The following DMWD variants were observed in gnomAD, a reference collection of about 807,000 sequenced individuals.
DMWD encodes dystrophia myotonica WD repeat-containing protein.
In DMWD, 19 loss-of-function variants were observed where a neutral mutation model predicts 45.8. That is an observed-to-expected ratio of 0.41 (90% CI 0.29 to 0.61). The LOEUF is 0.61. Ranked by LOEUF, DMWD falls within the 20% of genes least tolerant of loss-of-function variation. DMWD has a pLI of 0.25. For missense variants in DMWD, 802 were observed against 965.2 expected, an observed-to-expected ratio of 0.83 and a Z score of 2.24; for synonymous variants, 515 against 440.5, an observed-to-expected ratio of 1.17 and a Z score of -2.12.
chr19:45,789,429 C>T (rs1020260963), intron 2 of DMWD: 1 of 152,230 alleles, frequency 6.6e-6, no homozygotes, highest in Non-Finnish European at 1.5e-5. Flanking sequence ...GGTATCTCCT[C>T]GTAGGCCAAG....
intron 2 of DMWD, 146 bp downstream of exon 2, chr19:45,790,759 C>G: frequency 1.2e-6 from 1 of 839,178 alleles, no homozygotes; most frequent in South Asian, 1.9e-5. Context: ...AGGCAGCTGT[C>G]ATTAGCTGCT....
intron 1 of DMWD, among the ~76,000 whole-genome samples, chr19:45,792,011 A>G (rs1244097589): frequency 2.0e-5 from 3 of 152,058 alleles, no homozygotes; most frequent in Non-Finnish European, 4.4e-5. Flanking sequence ...GCCACCCCAG[A>G]ACCCGGGGGA....
chr19:45,792,698 G>C lies in DMWD; in HGVS notation c.59C>G (p.Ala20Gly), dbSNP rs1443786476. Reference sequence around the variant, plus strand: ...CGTGCGGAATTGCGACTTAATCTCCGCGCAGTCCCCCATGGCGGCGCCGGG... The same window carrying C: ...CGTGCGGAATTGCGACTTAATCTCCCCGCAGTCCCCCATGGCGGCGCCGGG... ...SGPGAAMGDC[A>G]EIKSQFRTRE... is the part of the protein sequence containing the mutation. The change falls in exon 1 of 5, where the codon GCG (alanine) becomes GGG (glycine). Residue 20 changes from alanine to glycine, a missense_variant. Around this residue, in one of 9 missense-constraint regions of DMWD, gnomAD observed 151 missense variants for 128.1 expected, o/e 1.18. Transcript: ENST00000270223. 3 of 1,266,826 alleles carry C rather than the reference G, an allele frequency of 2.4e-6. No individual in the cohort carries two copies. Among genetic ancestry groups the C allele is most frequent in the African/African-American group, 3.1e-5 (2 of 64,458 alleles). 78.5% of individuals were successfully genotyped at this position (1,266,826 alleles called of 1,614,324 possible). A position where few individuals can be genotyped will look rare whatever the true frequency, so the allele number is the denominator to read the frequency against.
In DMWD at chr19:45,785,796, G is replaced by A; in HGVS notation, c.1700C>T (p.Pro567Leu). ...GGGGTCCAGGCGGCTGCGGGGAACA[G>A]GGCCGCTGGGCTTCTCCCCACCACT... The part of the protein sequence containing the change: ...SGSGGEKPSG[P>L]VPRSRLDPAK... Residue 567 changes from proline (P) to leucine (L), a missense_variant, in exon 3 of 5, where the codon CCT (proline) becomes CTT (leucine). By Grantham distance (98) the Pro-to-Leu change is moderately conservative. Transcript: ENST00000270223. 6.2e-7 allele frequency: 1 copy of A among 1,611,914 alleles called. No homozygotes were observed. Among genetic ancestry groups the A allele is most frequent in the Non-Finnish European group, 8.5e-7 (1 of 1,179,562 alleles).
rs566063837 is a variant in DMWD at position 45,788,797 on chromosome 19, T to C, written c.625-1926A>G. On this transcript the variant is annotated intron_variant, in intron 2 of 4. Transcript: ENST00000270223. ...TACAAAAGTTAGCCAGTTGTGGTGG[T>C]GCATGCATGTAGTCCCAGCTACTCA... 9.9e-5 allele frequency among the ~76,000 whole-genome samples: 15 copies of C among 152,158 alleles called. No individual in the cohort carries two copies. In the South Asian group the frequency reaches 2.3e-3, roughly 23 times the overall value.
rs748170507 is a variant in DMWD, at chr19:45,786,281, G to A, written c.1215C>T (p.Pro405=). The A allele has an allele frequency of 1.2e-5, 19 of 1,604,966 alleles. No individual in the cohort carries two copies. Among genetic ancestry groups the A allele is most frequent in the Middle Eastern group, 1.7e-4 (1 of 6,052 alleles). Residue 405 remains proline (P), a synonymous_variant, in exon 3 of 5, where the codon CCC becomes CCT. Coordinates refer to ENST00000270223, the MANE Select transcript of DMWD (RefSeq NM_004943.2). The stretch of plus-strand genomic sequence containing the variant: ...CGGCCGAGCCTGTGCCCGCAGCCTC[G>A]GGCTCCTCCTCCTCCTCTTCGCCGC... ...ERSGEEEEEE[P]EAAGTGSAGG...
intron 2 of DMWD, among the ~76,000 whole-genome samples, chr19:45,788,186 T>A (rs1970307695): frequency 6.6e-6 from 1 of 152,324 alleles, no homozygotes; most frequent in East Asian, 1.9e-4. Flanking sequence ...CTCCAATGCC[T>A]GGGCCTGTCT....
At chr19:45,791,123 G>A in intron 1 of DMWD, 36 bp from the exon 2 acceptor site, 1 of 1,566,474 alleles carries the variant, frequency 6.4e-7, no homozygotes, top group Non-Finnish European at 8.7e-7. Flanking sequence ...AATGGTGTAT[G>A]CCACTGAGGA....
At chr19:45,786,905 GC>G in intron 2 of DMWD, 34 bp from the exon 3 acceptor site, 1 of 1,595,704 alleles carries the variant, frequency 6.3e-7, no homozygotes, top group East Asian at 2.3e-5. Flanking sequence ...TTGGGAGAAG[GC>G]AGTAAAACCC....
Position 45,792,501 on chromosome 19 carries a change from C to G in DMWD, c.256G>C (p.Gly86Arg). The part of the protein sequence containing the change: ...PASSPPPAGP[G>R]PGPALPAVRL... ...ACGGCGGGCAGGGCGGGCCCGGGTC[C>G]GGGGCCTGCGGGCGGCGGGGACGAC... Residue 86 changes from glycine (G) to arginine (R), a missense_variant, in exon 1 of 5, where the codon GGA becomes CGA. By Grantham distance (125) the Gly-to-Arg change is moderately radical. Around this residue, in one of 9 missense-constraint regions of DMWD, gnomAD observed 151 missense variants for 128.1 expected, o/e 1.18. Coordinates refer to ENST00000270223, the MANE Select transcript of DMWD (RefSeq NM_004943.2). The G allele has an allele frequency of 8.6e-7, 1 of 1,156,880 alleles. No individual in the cohort carries two copies. The highest frequency in any genetic ancestry group is 1.1e-6 in the Non-Finnish European group (1 of 936,144). The allele number at this position is 1,156,880 out of a possible 1,614,324, so 71.7% of individuals were successfully genotyped here.
In DMWD at chr19:45,792,797, C is replaced by A; in HGVS notation, c.-41G>T. 9.1e-7 allele frequency: 1 copy of A among 1,095,006 alleles called. No individual in the cohort carries two copies. The highest frequency in any genetic ancestry group is 1.1e-6 in the Non-Finnish European group (1 of 901,250). 67.8% of individuals were successfully genotyped at this position (1,095,006 alleles called of 1,614,324 possible). A position where few individuals can be genotyped will look rare whatever the true frequency, so the allele number is the denominator to read the frequency against. ...GGCCCCGCCACTGCCGGACTGCCGC[C>A]CGCAGCCGGGCCCCCTCCCGGAAGC... On this transcript the variant is annotated 5_prime_UTR_variant, in exon 1 of 5. Coordinates refer to ENST00000270223, the MANE Select transcript of DMWD (RefSeq NM_004943.2).
Position 45,787,898 on chromosome 19 carries a change from A to G in DMWD, c.625-1027T>C, listed in dbSNP as rs372026070. On this transcript the variant is annotated intron_variant, in intron 2 of 4. Coordinates refer to ENST00000270223, the MANE Select transcript of DMWD (RefSeq NM_004943.2). ...CTAGCCAATATGGTGAAATACAAGT[A>G]GAGATACAAAATCTCTACTAAAAAT... 7.2e-4 allele frequency among the ~76,000 whole-genome samples: 109 copies of G among 152,194 alleles called. 3 individuals carry two copies. Among genetic ancestry groups the G allele is most frequent in the African/African-American group, 2.5e-3 (103 of 41,542 alleles).
At chr19:45,789,603 A>T (rs911495296) in intron 2 of DMWD, 2 of 152,232 alleles carry the variant, frequency 1.3e-5, no homozygotes, top group African/African-American at 4.8e-5. Context: ...TTTGAATCCA[A>T]AGCCTCCAGA....
chr19:45,791,776 T>C (rs949577930), intron 1 of DMWD, among the ~76,000 whole-genome samples: 1 of 151,876 alleles, frequency 6.6e-6, no homozygotes, highest in Admixed American at 6.6e-5. Flanking sequence ...CGGACGCTCA[T>C]CTCCTCCAGG....
intron 1 of DMWD, among the ~76,000 whole-genome samples, chr19:45,791,677 T>C (rs1168181087): frequency 1.3e-5 from 2 of 152,110 alleles, no homozygotes; most frequent in Non-Finnish European, 2.9e-5. Flanking sequence ...GCCAGGGTTC[T>C]CACCACATCG....
chr19:45,785,517 CCTCT>C, intron 3 of DMWD, 73 bp downstream of exon 3: 1 of 1,423,962 alleles, frequency 7.0e-7, no homozygotes. Flanking sequence ...GCAACAAAGC[CCTCT>C]CTCTGCCAAT....
chr19:45,784,296 G>A lies in DMWD; in HGVS notation c.1978-6C>T, dbSNP rs1397388002. The A allele has an allele frequency of 6.6e-7, 1 of 1,509,946 alleles. No individual in the cohort carries two copies. The highest frequency in any genetic ancestry group is 8.8e-7 in the Non-Finnish European group (1 of 1,130,266). The allele number at this position is 1,509,946 out of a possible 1,614,324, so 93.5% of individuals were successfully genotyped here. On this transcript the variant is annotated splice_region_variant and splice_polypyrimidine_tract_variant and intron_variant, in intron 4 of 4. Transcript: ENST00000270223. ...CCTGGTTGGGAGGAGATGCCCTGGG[G>A]AAGATGAGAGGGAGAGATGGGAGGG...
Position 45,786,096 on chromosome 19 carries a change from C to G in DMWD, c.1400G>C (p.Gly467Ala). ...GCTGCTGGCGGCCGGTGGCGTGGTG[C>G]CAGGTGTGCCAGGGAGGGTGCGGGT... ...ARTRTLPGTP[G>A]TTPPAASSSR... The change falls in exon 3 of 5, where the codon GGC becomes GCC. Residue 467 changes from glycine (G) to alanine (A), a missense_variant. By Grantham distance (60) the Gly-to-Ala change is moderately conservative (BLOSUM62 0). This residue lies in a region of DMWD where 303 missense variants were observed against 332.9 expected (regional missense o/e 0.91). Transcript: ENST00000270223. The G allele has an allele frequency of 6.6e-7, 1 of 1,521,706 alleles. No individual in the cohort carries two copies. Among genetic ancestry groups the G allele is most frequent in the Non-Finnish European group, 8.8e-7 (1 of 1,133,384 alleles). 94.3% of individuals were successfully genotyped at this position (1,521,706 alleles called of 1,614,324 possible). A position where few individuals can be genotyped will look rare whatever the true frequency, so the allele number is the denominator to read the frequency against.
At position 45,784,720 on chromosome 19, in the gene DMWD, G is replaced by A. The variant is rs539695498; in HGVS notation, c.1903-5C>T. ...CTCGGTCTCCTCGTCTGTGAACTACGGAGACAGAGGGGTCTCTTTTAGGAC... is the reference window on the plus strand; with the variant it reads ...CTCGGTCTCCTCGTCTGTGAACTACAGAGACAGAGGGGTCTCTTTTAGGAC... On this transcript the variant is annotated splice_region_variant and splice_polypyrimidine_tract_variant and intron_variant, in intron 3 of 4. Coordinates refer to ENST00000270223, the MANE Select transcript of DMWD (RefSeq NM_004943.2). The A allele has an allele frequency of 2.2e-5, 36 of 1,613,198 alleles. 1 individual carries two copies. Among genetic ancestry groups the A allele is most frequent in the East Asian group, 6.7e-5 (3 of 44,880 alleles).
Sources: allele counts gnomAD v4.1 joint callset (sites outside exome capture counted in the v4.1 genomes callset), GRCh38; gene constraint gnomAD v4.1.1; regional missense constraint gnomAD v4.1.1; transcripts MANE v1.5; gene names NCBI Gene and HGNC (gene_info 2026-07-23, HGNC 2026-07-21).